CASZ1: variants seen among roughly 807,000 people sequenced by gnomAD.
The protein encoded by CASZ1 is zinc finger protein castor homolog 1.
Under a neutral mutation model 135.2 loss-of-function variants are expected in CASZ1, and 28 were observed. That is an observed-to-expected ratio of 0.21 (90% CI 0.15 to 0.28). The LOEUF (loss-of-function observed/expected upper bound fraction) is 0.28. Among genes scored for constraint, CASZ1 ranks in the 10% least tolerant of loss-of-function variants. CASZ1 has a pLI of 1.00. For synonymous variants in CASZ1, 1,068 were observed against 1,073.4 expected, an observed-to-expected ratio of 0.99 and a Z score of 0.10; for missense variants, 2,161 against 2,453.3, an observed-to-expected ratio of 0.88 and a Z score of 2.52.
rs1638850632 is a variant in CASZ1, at chr1:10,693,989, G to A, written c.-23-77C>T. On this transcript the variant is annotated intron_variant, in intron 3 of 20. Transcript: ENST00000377022. ...GCGTCTCGCGGGACCCCGGCCGCCC[G>A]CCCTGCTTGTCCCCCGCCCCGCAGG... 2.1e-6 allele frequency: 3 copies of A among 1,410,722 alleles called. No homozygotes were observed. The South Asian group carries it at 3.5e-5, about 17-fold the overall frequency. 87.4% of individuals were successfully genotyped at this position (1,410,722 alleles called of 1,614,324 possible).
chr1:10,711,586 A>C lies in CASZ1; in HGVS notation c.-76-6042T>G, dbSNP rs773222164. 1.0e-5 allele frequency among the ~76,000 whole-genome samples: 1 copy of C among 98,772 alleles called. No individual in the cohort carries two copies. 64.8% of individuals were successfully genotyped at this position (98,772 alleles called of 152,430 possible). ...CAGAAAAAATGGAAAACAGGTACTCAAAAAAAAAAAAAAAAGAAAAACAAA... is the reference window on the plus strand; with the variant it reads ...CAGAAAAAATGGAAAACAGGTACTCCAAAAAAAAAAAAAAAGAAAAACAAA... On this transcript the variant is annotated intron_variant, in intron 2 of 20. Coordinates refer to ENST00000377022, the MANE Select transcript of CASZ1 (RefSeq NM_001079843.3). This position sits in a 1 kb window ranked among gnomAD's most constrained non-coding sequence, Gnocchi z 4.4.
At chr1:10,791,081 C>CAA (rs61062042) in intron 1 of CASZ1, among the ~76,000 whole-genome samples, 22 of 121,208 alleles carry the variant, frequency 1.8e-4, no homozygotes, top group African/African-American at 2.2e-4. Flanking sequence ...CTCTTCCCAT[C>CAA]AAAAAAAAAA....
In CASZ1 at chr1:10,720,919, C is replaced by G. The variant is rs983489703; in HGVS notation, c.-76-15375G>C. 1.3e-5 allele frequency among the ~76,000 whole-genome samples: 2 copies of G among 152,214 alleles called. No homozygotes were observed. Among genetic ancestry groups the G allele is most frequent in the Non-Finnish European group, 2.9e-5 (2 of 68,024 alleles). ...CCAGGACACGAGGTGGACACCCGAC[C>G]TCATGCCCTGCCTACCACCCACCGT... is the stretch of plus-strand genomic sequence containing the variant. On this transcript the variant is annotated intron_variant, in intron 2 of 20. Coordinates refer to ENST00000377022, the MANE Select transcript of CASZ1 (RefSeq NM_001079843.3). This position sits in a 1 kb window ranked among gnomAD's most constrained non-coding sequence, Gnocchi z 5.7.
intron 1 of CASZ1, among the ~76,000 whole-genome samples, chr1:10,779,279 ATTTTT>A (rs386366223): frequency 2.6e-4 from 33 of 125,222 alleles, no homozygotes; most frequent in Middle Eastern, 4.0e-3. Context: ...TAATTTTATA[ATTTTT>A]TTTTTTTTTT....
At chr1:10,714,799 A>C (rs284247) in intron 2 of CASZ1, among the ~76,000 whole-genome samples, 1 of 152,022 alleles carries the variant, frequency 6.6e-6, no homozygotes, top group Non-Finnish European at 1.5e-5. Context: ...GTCTGTCTCC[A>C]GGCCTCGGCC....
intron 1 of CASZ1, among the ~76,000 whole-genome samples, chr1:10,766,023 C>T (rs540685942): frequency 5.9e-4 from 90 of 152,318 alleles, no homozygotes; most frequent in African/African-American, 2.1e-3. Flanking sequence ...GAAACCACCA[C>T]CTTTTCACAG....
At chr1:10,783,882 A>C (rs1640807610) in intron 1 of CASZ1, among the ~76,000 whole-genome samples, 1 of 151,360 alleles carries the variant, frequency 6.6e-6, no homozygotes, top group Middle Eastern at 3.2e-3. Flanking sequence ...AAAAAAAAAA[A>C]AAAAAAAAAA....
chr1:10,675,126 A>C (rs1643526322), intron 4 of CASZ1, among the ~76,000 whole-genome samples: 1 of 152,240 alleles, frequency 6.6e-6, no homozygotes, highest in Admixed American at 6.5e-5. Flanking sequence ...CCATGTTTGC[A>C]CAGAAAAGCT....
intron 1 of CASZ1, among the ~76,000 whole-genome samples, chr1:10,782,691 G>A (rs916600832): frequency 1.3e-5 from 2 of 152,056 alleles, no homozygotes; most frequent in Non-Finnish European, 2.9e-5. Flanking sequence ...GTCTAGAGTT[G>A]ATTCAGCCCT....
At chr1:10,779,207 C>T (rs1640716366) in intron 1 of CASZ1, among the ~76,000 whole-genome samples, 2 of 151,422 alleles carry the variant, frequency 1.3e-5, no homozygotes, top group South Asian at 4.2e-4. Context: ...TGCCTCCCCA[C>T]CTTGAATAAA....
intron 1 of CASZ1, among the ~76,000 whole-genome samples, chr1:10,770,585 G>T (rs192765637): frequency 2.7e-4 from 41 of 152,110 alleles, no homozygotes; most frequent in African/African-American, 9.7e-4. Context: ...CCAGCAGTGC[G>T]GTCACAGGCC....
At chr1:10,723,995 G>A (rs1639551766) in intron 2 of CASZ1, among the ~76,000 whole-genome samples, 2 of 152,186 alleles carry the variant, frequency 1.3e-5, no homozygotes, top group East Asian at 1.9e-4. Context: ...ACACCCAACC[G>A]CTAGCACCTG....
intron 20 of CASZ1, among the ~76,000 whole-genome samples, chr1:10,641,329 G>A (rs1276043003): frequency 6.6e-6 from 1 of 152,248 alleles, no homozygotes; most frequent in Non-Finnish European, 1.5e-5. Context: ...CCTGAGGAGG[G>A]GGAGGCTCGG....
chr1:10,645,506 G>C (rs557769314), intron 17 of CASZ1, among the ~76,000 whole-genome samples: 1 of 152,314 alleles, frequency 6.6e-6, no homozygotes, highest in East Asian at 1.9e-4. Flanking sequence ...CTCCAGCCTG[G>C]GTGACAGAGC....
At chr1:10,690,872 C>T (rs1172052192) in intron 4 of CASZ1, among the ~76,000 whole-genome samples, 2 of 152,204 alleles carry the variant, frequency 1.3e-5, no homozygotes, top group Non-Finnish European at 2.9e-5. Context: ...CGTGCTTCAC[C>T]GCCATTTTCA....
rs981140476 is a variant in CASZ1 at position 10,755,441 on chromosome 1, C to T, written c.-77+5260G>A. On this transcript the variant is annotated intron_variant, in intron 2 of 20. Coordinates refer to ENST00000377022, the MANE Select transcript of CASZ1 (RefSeq NM_001079843.3). This position sits in a 1 kb window ranked among gnomAD's most constrained non-coding sequence, Gnocchi z 4.3. The stretch of plus-strand genomic sequence containing the variant: ...CAGGGACAGAGGCAGGGCAGAGGCG[C>T]TTCTCTCTTCGTCCACCACACCGCG... Among the ~76,000 whole-genome samples the T allele has an allele frequency of 1.3e-5, 2 of 152,148 alleles. No homozygotes were observed. The highest frequency in any genetic ancestry group is 4.8e-5 in the African/African-American group (2 of 41,436).
chr1:10,648,985 C>T, intron 15 of CASZ1, 85 bp downstream of exon 15: 2 of 1,546,170 alleles, frequency 1.3e-6, no homozygotes, highest in Non-Finnish European at 1.8e-6. Context: ...GCGGGAACTG[C>T]TGTACCAGCC....
intron 2 of CASZ1, among the ~76,000 whole-genome samples, chr1:10,722,133 G>A (rs949045269): frequency 7.9e-5 from 12 of 152,206 alleles, no homozygotes; most frequent in East Asian, 5.8e-4. Context: ...GAAGTGGGCC[G>A]TCAGCTGTCA....
chr1:10,748,157 C>T (rs1213131294), intron 2 of CASZ1, among the ~76,000 whole-genome samples: 2 of 152,194 alleles, frequency 1.3e-5, no homozygotes, highest in Non-Finnish European at 2.9e-5. Context: ...TCCAACTCCC[C>T]TTCTAAGCCT....
Sources: allele counts gnomAD v4.1 joint callset (sites outside exome capture counted in the v4.1 genomes callset), GRCh38; gene constraint gnomAD v4.1.1; non-coding constraint Gnocchi (gnomAD v3.1); transcripts MANE v1.5; gene names NCBI Gene and HGNC (gene_info 2026-07-23, HGNC 2026-07-21).